CPE: variants seen among roughly 807,000 people sequenced by gnomAD.
CPE encodes the protein carboxypeptidase E, also known as carbocypeptidase E.
A neutral mutation model predicts 53.5 loss-of-function variants in CPE; 17 were observed. The ratio of observed to expected loss-of-function variants is 0.32; its 90% CI spans 0.22 to 0.48. The LOEUF (loss-of-function observed/expected upper bound fraction) is 0.48. Among genes scored for constraint, CPE ranks in the 20% least tolerant of loss-of-function variants. The probability of loss-of-function intolerance (pLI) is 0.99; values close to 1 mark genes in which losing one functional copy is unlikely to be tolerated. For synonymous variants in CPE, 226 were observed against 228.8 expected, an observed-to-expected ratio of 0.99 and a Z score of 0.11; for missense variants, 524 against 614.7, an observed-to-expected ratio of 0.85 and a Z score of 1.56.
chr4:165,483,899 T>C (rs1192168150), intron 4 of CPE, among the ~76,000 whole-genome samples: 4 of 152,176 alleles, frequency 2.6e-5, no homozygotes, highest in African/African-American at 7.2e-5. Context: ...TTTGAAGACT[T>C]TGTGGTTTGT....
At chr4:165,460,024 C>T (rs1330965995) in intron 1 of CPE, among the ~76,000 whole-genome samples, 1 of 152,020 alleles carries the variant, frequency 6.6e-6, no homozygotes, top group Admixed American at 6.6e-5. Flanking sequence ...GCTTTCCCCG[C>T]TCCCCCACCC....
intron 1 of CPE, among the ~76,000 whole-genome samples, chr4:165,416,701 C>A (rs113323370): frequency 6.6e-6 from 1 of 151,746 alleles, no homozygotes; most frequent in Non-Finnish European, 1.5e-5. Flanking sequence ...TTGATTCCCC[C>A]GGCCTGGGTT....
intron 1 of CPE, among the ~76,000 whole-genome samples, chr4:165,384,752 GA>G (rs1384342603): frequency 6.6e-6 from 1 of 152,126 alleles, no homozygotes; most frequent in Non-Finnish European, 1.5e-5. Context: ...GTAGAACAAA[GA>G]AAAAAATGAT....
At chr4:165,467,413 A>G (rs181503980) in intron 2 of CPE, among the ~76,000 whole-genome samples, 1 of 152,358 alleles carries the variant, frequency 6.6e-6, no homozygotes, top group African/African-American at 2.4e-5. Flanking sequence ...ACTAGGCAAT[A>G]GGAATTTTTC....
chr4:165,458,409 T>C (rs1731938595), intron 1 of CPE, among the ~76,000 whole-genome samples: 1 of 152,198 alleles, frequency 6.6e-6, no homozygotes, highest in Non-Finnish European at 1.5e-5. Flanking sequence ...AATTATGTAA[T>C]CAGTGAGTTA....
intron 1 of CPE, among the ~76,000 whole-genome samples, chr4:165,438,306 T>C (rs773762900): frequency 3.3e-5 from 5 of 152,076 alleles, no homozygotes; most frequent in Non-Finnish European, 7.4e-5. Context: ...GTGAGGGAGT[T>C]GTTTTGCAGC....
intron 8 of CPE, among the ~76,000 whole-genome samples, chr4:165,496,090 G>A (rs1732701463): frequency 6.6e-6 from 1 of 152,008 alleles, no homozygotes; most frequent in African/African-American, 2.4e-5. Flanking sequence ...TATGTGCAAG[G>A]CTCTCTGTGC....
At chr4:165,389,797 G>T (rs1008244869) in intron 1 of CPE, among the ~76,000 whole-genome samples, 2 of 152,172 alleles carry the variant, frequency 1.3e-5, no homozygotes, top group Non-Finnish European at 2.9e-5. Context: ...TTAGATTTAG[G>T]ACATATTTTA....
chr4:165,391,544 A>C (rs1425631640), intron 1 of CPE, among the ~76,000 whole-genome samples: 6 of 152,132 alleles, frequency 3.9e-5, no homozygotes, highest in African/African-American at 1.4e-4. Flanking sequence ...AAAAACAAAG[A>C]CATTCATTCA....
At chr4:165,486,762 T>C in intron 5 of CPE, among the ~76,000 whole-genome samples, 1 of 152,284 alleles carries the variant, frequency 6.6e-6, no homozygotes, top group East Asian at 1.9e-4. Context: ...ATTCCCCACA[T>C]TTTTCCTCTG....
chr4:165,400,432 G>A (rs982537786), intron 1 of CPE, among the ~76,000 whole-genome samples: 3 of 152,140 alleles, frequency 2.0e-5, no homozygotes, highest in African/African-American at 7.2e-5. Flanking sequence ...AAAGAAAGAG[G>A]CAGTAGGTAT....
chr4:165,409,183 C>T (rs780216948), intron 1 of CPE, among the ~76,000 whole-genome samples: 2 of 151,500 alleles, frequency 1.3e-5, no homozygotes, highest in African/African-American at 4.9e-5. Context: ...ACACTGAATA[C>T]GGGAAAGTGA....
Position 165,447,432 on chromosome 4 carries a change from G to A in CPE, c.308-16958G>A, listed in dbSNP as rs140521433. ...CTAAAAATACAAAAATTAGCCAGGC[G>A]TGGTGGCGCATGCCTGTAATCCCAG... is the stretch of plus-strand genomic sequence containing the variant. On this transcript the variant is annotated intron_variant, in intron 1 of 8. Coordinates refer to ENST00000402744, the MANE Select transcript of CPE (RefSeq NM_001873.4). Among the ~76,000 whole-genome samples, 842 of 152,146 alleles carry A rather than the reference G, an allele frequency of 5.5e-3. 3 individuals carry two copies. Among genetic ancestry groups the A allele is most frequent in the Non-Finnish European group, 7.5e-3 (510 of 67,992 alleles).
intron 4 of CPE, among the ~76,000 whole-genome samples, chr4:165,483,681 T>C (rs974779359): frequency 6.6e-6 from 1 of 152,242 alleles, no homozygotes; most frequent in Non-Finnish European, 1.5e-5. Context: ...TCATGTAATA[T>C]GATATTGTGG....
intron 1 of CPE, among the ~76,000 whole-genome samples, chr4:165,422,816 A>G (rs1731247581): frequency 1.3e-5 from 2 of 151,958 alleles, no homozygotes; most frequent in Non-Finnish European, 2.9e-5. Context: ...TCTCTATTAA[A>G]AACACAAAAA....
intron 1 of CPE, among the ~76,000 whole-genome samples, chr4:165,458,445 TG>T (rs760397259): frequency 1.3e-4 from 20 of 152,206 alleles, no homozygotes; most frequent in Non-Finnish European, 2.2e-4. Context: ...AATGAATTAG[TG>T]CACCTATATT....
chr4:165,382,362 CTT>C (rs2126650194), intron 1 of CPE, among the ~76,000 whole-genome samples: 1 of 152,256 alleles, frequency 6.6e-6, no homozygotes, highest in South Asian at 2.1e-4. Context: ...GGCCAATTGT[CTT>C]TACTATTTTC....
intron 6 of CPE, 29 bp downstream of exon 6, chr4:165,487,606 A>C: frequency 6.2e-7 from 1 of 1,612,858 alleles, no homozygotes. Flanking sequence ...ATAAAAATGC[A>C]AGGTTTACAA....
chr4:165,449,514 A>T (rs1400346678), intron 1 of CPE, among the ~76,000 whole-genome samples: 2 of 151,852 alleles, frequency 1.3e-5, no homozygotes, highest in Non-Finnish European at 2.9e-5. Context: ...TAGATAGGAG[A>T]GGTGAGTGTG....
Sources: gnomAD v4.1 joint callset for allele counts (sites outside exome capture counted in the v4.1 genomes callset) on GRCh38, gnomAD v4.1.1 for gene constraint, MANE v1.5 for transcripts, NCBI Gene and HGNC (gene_info 2026-07-23, HGNC 2026-07-21) for gene names.